The following ARHGAP15 variants were observed in gnomAD, a reference collection of about 807,000 sequenced individuals.
ARHGAP15 encodes rho GTPase-activating protein 15.
A neutral mutation model predicts 63.7 loss-of-function variants in ARHGAP15; 51 were observed. The observed-to-expected ratio is 0.80, with a 90% CI of 0.64 to 1.01. The LOEUF (loss-of-function observed/expected upper bound fraction) is 1.01. Ranked by LOEUF, ARHGAP15 falls within the 50% of genes least tolerant of loss-of-function variation. The pLI is 0.00. For synonymous variants in ARHGAP15, 191 were observed against 193.8 expected (o/e 0.99, Z 0.12); for missense variants, 560 against 564.6 (o/e 0.99, Z 0.08).
intron 11 of ARHGAP15, among the ~76,000 whole-genome samples, chr2:143,576,146 A>G (rs1314264501): frequency 6.6e-6 from 1 of 152,174 alleles, no homozygotes; most frequent in African/African-American, 2.4e-5. Flanking sequence ...CGTTTAAAAT[A>G]CTCATGGACT....
At chr2:143,761,907 C>A (rs1374064717) in intron 13 of ARHGAP15, among the ~76,000 whole-genome samples, 1 of 152,030 alleles carries the variant, frequency 6.6e-6, no homozygotes, top group African/African-American at 2.4e-5. Flanking sequence ...AAACTGAATT[C>A]TTACTCATTC....
intron 11 of ARHGAP15, chr2:143,608,593 CAGAA>C (rs1698132924): frequency 6.6e-6 from 1 of 152,172 alleles, no homozygotes; most frequent in Non-Finnish European, 1.5e-5. Flanking sequence ...TCTATTGTGT[CAGAA>C]AGCAGTACTG....
intron 12 of ARHGAP15, among the ~76,000 whole-genome samples, chr2:143,631,837 T>C (rs1680047028): frequency 1.3e-5 from 2 of 150,046 alleles, no homozygotes; most frequent in Admixed American, 1.3e-4. Context: ...TTGTCTTTTA[T>C]GGATCTTGCT....
intron 8 of ARHGAP15, among the ~76,000 whole-genome samples, chr2:143,475,688 A>G (rs1341654033): frequency 1.3e-5 from 2 of 152,230 alleles, no homozygotes; most frequent in Non-Finnish European, 2.9e-5. Context: ...AAAGGGGTGA[A>G]GCCAGAGGAA....
chr2:143,557,666 C>T (rs1289329821), intron 11 of ARHGAP15, among the ~76,000 whole-genome samples: 1 of 152,028 alleles, frequency 6.6e-6, no homozygotes, highest in African/African-American at 2.4e-5. Flanking sequence ...TCAATTATAA[C>T]AATCTACCCC....
intron 8 of ARHGAP15, among the ~76,000 whole-genome samples, chr2:143,461,885 T>C (rs1042219722): frequency 6.6e-5 from 10 of 152,158 alleles, no homozygotes; most frequent in African/African-American, 2.2e-4. Context: ...AATAGACTTA[T>C]CGGCCTGCTG....
At chr2:143,162,677 A>G (rs1291111850) in intron 2 of ARHGAP15, among the ~76,000 whole-genome samples, 6 of 152,050 alleles carry the variant, frequency 3.9e-5, no homozygotes. Flanking sequence ...ATGCTTTTCC[A>G]CTAAATTTTT....
chr2:143,290,308 A>G (rs186934882), intron 6 of ARHGAP15, among the ~76,000 whole-genome samples: 59 of 152,250 alleles, frequency 3.9e-4, no homozygotes, highest in Admixed American at 1.6e-3. Context: ...AAAGTAGGAA[A>G]CACAGGCTAA....
At chr2:143,474,151 A>G (rs1490027649) in intron 8 of ARHGAP15, among the ~76,000 whole-genome samples, 1 of 152,184 alleles carries the variant, frequency 6.6e-6, no homozygotes, top group African/African-American at 2.4e-5. Flanking sequence ...CCTGGCATTC[A>G]GCAACAAAAT....
At chr2:143,287,502 TC>T (rs1481007781) in intron 6 of ARHGAP15, among the ~76,000 whole-genome samples, 1 of 151,892 alleles carries the variant, frequency 6.6e-6, no homozygotes. Flanking sequence ...GGGCCTCTGA[TC>T]TTGTTTAAAG....
chr2:143,628,878 A>T (rs1440601240), intron 12 of ARHGAP15, among the ~76,000 whole-genome samples: 1 of 152,092 alleles, frequency 6.6e-6, no homozygotes, highest in Non-Finnish European at 1.5e-5. Flanking sequence ...TCATAACATT[A>T]TTTCCCTTTT....
chr2:143,667,163 A>C (rs1429161906), intron 12 of ARHGAP15, among the ~76,000 whole-genome samples: 1 of 150,158 alleles, frequency 6.7e-6, no homozygotes, highest in Non-Finnish European at 1.5e-5. Context: ...AAGACTTGGA[A>C]CCAACCCAAA....
intron 11 of ARHGAP15, among the ~76,000 whole-genome samples, chr2:143,574,165 C>CA (rs1481800735): frequency 6.6e-6 from 1 of 152,114 alleles, no homozygotes; most frequent in Non-Finnish European, 1.5e-5. Context: ...GCCACACTGA[C>CA]ACTCACTCAC....
At chr2:143,313,971 G>GTT (rs1683573368) in intron 6 of ARHGAP15, among the ~76,000 whole-genome samples, 1 of 145,798 alleles carries the variant, frequency 6.9e-6, no homozygotes, top group African/African-American at 2.6e-5. Flanking sequence ...TTTTTTTCTT[G>GTT]TTTTGTTTTT....
intron 3 of ARHGAP15, 119 bp downstream of exon 3, chr2:143,202,321 C>A (rs1692153277): frequency 1.3e-5 from 10 of 797,590 alleles, no homozygotes; most frequent in South Asian, 1.2e-4. Flanking sequence ...GGAATCAGGG[C>A]ACCACTTAGT....
chr2:143,703,335 A>G lies in ARHGAP15; in HGVS notation c.1139-84A>G, dbSNP rs1574861892. On this transcript the variant is annotated intron_variant, in intron 12 of 13. Transcript: ENST00000295095. ...TCTTAGTTGCTAGTCTCAGTCCAAAATTTTCTCAAGAAAATTTTCTCATGT... is the reference window on the plus strand; with the variant it reads ...TCTTAGTTGCTAGTCTCAGTCCAAAGTTTTCTCAAGAAAATTTTCTCATGT... The G allele has an allele frequency of 4.5e-6, 5 of 1,113,904 alleles. No individual in the cohort carries two copies. In the South Asian group the frequency reaches 4.8e-5, roughly 11 times the overall value. 69.0% of individuals were successfully genotyped at this position (1,113,904 alleles called of 1,614,324 possible).
chr2:143,159,001 T>A (rs896377154), intron 2 of ARHGAP15, among the ~76,000 whole-genome samples: 39 of 151,886 alleles, frequency 2.6e-4, no homozygotes, highest in Admixed American at 7.2e-4. Flanking sequence ...ACTGCAGACA[T>A]ATGATTTGCA....
intron 8 of ARHGAP15, among the ~76,000 whole-genome samples, chr2:143,453,495 T>C (rs1690501852): frequency 6.6e-6 from 1 of 152,070 alleles, no homozygotes; most frequent in Admixed American, 6.6e-5. Context: ...ATGTTAATCA[T>C]AACGTTAGTA....
intron 6 of ARHGAP15, among the ~76,000 whole-genome samples, chr2:143,363,430 G>T (rs1686150003): frequency 6.6e-6 from 1 of 152,076 alleles, no homozygotes; most frequent in African/African-American, 2.4e-5. Flanking sequence ...GGGAGGTGGA[G>T]TTTACAGTGA....
Sources: gnomAD v4.1 joint callset for allele counts (sites outside exome capture counted in the v4.1 genomes callset) on GRCh38, gnomAD v4.1.1 for gene constraint, MANE v1.5 for transcripts, NCBI Gene and HGNC (gene_info 2026-07-23, HGNC 2026-07-21) for gene names.